TBXAS1: variants seen among roughly 807,000 people sequenced by gnomAD.
The protein encoded by TBXAS1 is thromboxane-A synthase.
In TBXAS1, 48 loss-of-function variants were observed where a neutral mutation model predicts 60.7. That is an observed-to-expected ratio of 0.79 (90% CI 0.63 to 1.01). The LOEUF is 1.01. TBXAS1 is among the 50% of genes least tolerant of loss of function. The pLI is 0.00. For missense variants in TBXAS1, 685 were observed against 686.3 expected, an observed-to-expected ratio of 1.00 and a Z score of 0.02; for synonymous variants, 287 against 269.7, an observed-to-expected ratio of 1.06 and a Z score of -0.63.
chr7:139,966,878 C>G (rs1056561268), intron 9 of TBXAS1, among the ~76,000 whole-genome samples: 2 of 152,190 alleles, frequency 1.3e-5, no homozygotes, highest in African/African-American at 2.4e-5. Flanking sequence ...ACCCCTCCCC[C>G]ACCCCTGCTG....
intron 1 of TBXAS1, among the ~76,000 whole-genome samples, chr7:139,842,554 C>A (rs1219772368): frequency 6.6e-6 from 1 of 152,092 alleles, no homozygotes; most frequent in African/African-American, 2.4e-5. Flanking sequence ...ATGAGACTGG[C>A]GAGAAAGGGA....
At chr7:139,804,229 T>C (rs761281675) in intron 4 of TBXAS1, among the ~76,000 whole-genome samples, 29 of 152,194 alleles carry the variant, frequency 1.9e-4, no homozygotes, top group Admixed American at 6.5e-5. Context: ...AAGGAGATCA[T>C]TTTGTAACTT....
At chr7:140,016,485 G>A in intron 11 of TBXAS1, 1 of 258,806 alleles carries the variant, frequency 3.9e-6, no homozygotes, top group Non-Finnish European at 7.6e-6. Context: ...ATTCAAGCCA[G>A]GACATGGGAT....
intron 3 of TBXAS1, among the ~76,000 whole-genome samples, chr7:139,877,403 G>GT (rs1280106649): frequency 1.1e-4 from 17 of 152,100 alleles, no homozygotes; most frequent in African/African-American, 3.9e-4. Flanking sequence ...ATTGCTTTTT[G>GT]TTTTTGTTTT....
At chr7:139,908,579 A>G (rs953382368) in intron 3 of TBXAS1, among the ~76,000 whole-genome samples, 3 of 152,186 alleles carry the variant, frequency 2.0e-5, no homozygotes, top group Non-Finnish European at 4.4e-5. Context: ...AGTGATATGT[A>G]GAAATCTTAC....
Position 140,017,223 on chromosome 7 carries a change from G to A in TBXAS1, c.1365-448G>A, listed in dbSNP as rs1047980542. On this transcript the variant is annotated intron_variant, in intron 11 of 12. Transcript: ENST00000448866. ...GCCAGCAGGACACGCCCCCCAGGGA[G>A]GGCCCAGGAGGTGCTGAGGTGCCCG... 2.6e-5 allele frequency among the ~76,000 whole-genome samples: 4 copies of A among 152,316 alleles called. No homozygotes were observed. The South Asian group carries it at 8.3e-4, about 32-fold the overall frequency.
rs750285075 is a variant in TBXAS1, at chr7:139,896,549, C to G, written c.237-14676C>G. 5.9e-5 allele frequency among the ~76,000 whole-genome samples: 9 copies of G among 152,168 alleles called. No homozygotes were observed. Among genetic ancestry groups the G allele is most frequent in the Non-Finnish European group, 1.2e-4 (8 of 68,030 alleles). On this transcript the variant is annotated intron_variant, in intron 3 of 12. Coordinates refer to ENST00000448866, the MANE Select transcript of TBXAS1 (RefSeq NM_001061.7). This position sits in a 1 kb window ranked among gnomAD's most constrained non-coding sequence, Gnocchi z 4.0. ...GCTATGGTATTTTACACATTCGTGA[C>G]AAATACAGCAACATCTGTCAGGCAC...
At chr7:139,961,859 A>G (rs903819023) in intron 8 of TBXAS1, 60 bp from the exon 9 acceptor site, 3 of 1,600,712 alleles carry the variant, frequency 1.9e-6, no homozygotes, top group African/African-American at 2.7e-5. Flanking sequence ...GTTCTCCAGG[A>G]AGCCTCACTC....
At chr7:139,926,370 T>A (rs1259844145) in intron 4 of TBXAS1, among the ~76,000 whole-genome samples, 1 of 152,214 alleles carries the variant, frequency 6.6e-6, no homozygotes, top group African/African-American at 2.4e-5. Context: ...TGATTCAATC[T>A]TGACAGGTTG....
chr7:139,917,069 A>G (rs1392873367), intron 4 of TBXAS1, among the ~76,000 whole-genome samples: 1 of 152,220 alleles, frequency 6.6e-6, no homozygotes, highest in Admixed American at 6.5e-5. Flanking sequence ...TGCATGACCT[A>G]GGGAAGCTCT....
chr7:139,955,181 G>A (rs1809739495), intron 6 of TBXAS1, among the ~76,000 whole-genome samples: 1 of 152,112 alleles, frequency 6.6e-6, no homozygotes, highest in African/African-American at 2.4e-5. Flanking sequence ...GAGGCTCGAA[G>A]GTGGAAGAGG....
At chr7:139,835,385 T>A (rs2116524310) in intron 1 of TBXAS1, among the ~76,000 whole-genome samples, 1 of 152,220 alleles carries the variant, frequency 6.6e-6, no homozygotes, top group Non-Finnish European at 1.5e-5. Flanking sequence ...AAATTCTTAA[T>A]GAAATACTAG....
chr7:139,937,165 G>T (rs984669494), intron 5 of TBXAS1, among the ~76,000 whole-genome samples: 1 of 152,182 alleles, frequency 6.6e-6, no homozygotes, highest in African/African-American at 2.4e-5. Flanking sequence ...AAGGGAGAGA[G>T]AACTTGAGCC....
intron 3 of TBXAS1, among the ~76,000 whole-genome samples, chr7:139,783,270 G>A (rs936910905): frequency 1.3e-5 from 2 of 148,352 alleles, no homozygotes; most frequent in African/African-American, 5.0e-5. Flanking sequence ...GCTCCTAGAA[G>A]AAAAATGATC....
chr7:139,875,025 G>T (rs1360421440), intron 2 of TBXAS1, among the ~76,000 whole-genome samples: 1 of 152,202 alleles, frequency 6.6e-6, no homozygotes. Context: ...AATCCGGGAG[G>T]TGGAGGTTGC....
chr7:139,893,280 C>A lies in TBXAS1; in HGVS notation c.236+17643C>A, dbSNP rs538093971. On this transcript the variant is annotated intron_variant, in intron 3 of 12. Coordinates refer to ENST00000448866, the MANE Select transcript of TBXAS1 (RefSeq NM_001061.7). ...ATCATTTGGGGAGAGATGATTTTGC[C>A]ATGTACTCTCACAAATATATGTCCT... 9.3e-5 allele frequency among the ~76,000 whole-genome samples: 14 copies of A among 150,548 alleles called. No individual in the cohort carries two copies. The South Asian group carries it at 3.0e-3, about 32-fold the overall frequency.
intron 4 of TBXAS1, among the ~76,000 whole-genome samples, chr7:139,927,888 C>A (rs1217410979): frequency 6.6e-6 from 1 of 152,086 alleles, no homozygotes; most frequent in African/African-American, 2.4e-5. Context: ...AATATTGAAT[C>A]TAGAAGTTTA....
chr7:139,939,830 G>A (rs1330579100), intron 5 of TBXAS1, among the ~76,000 whole-genome samples: 1 of 152,190 alleles, frequency 6.6e-6, no homozygotes, highest in Non-Finnish European at 1.5e-5. Flanking sequence ...GAAGGGGAAA[G>A]CATTTCAAAG....
At chr7:139,931,408 G>A (rs1326247492) in intron 4 of TBXAS1, among the ~76,000 whole-genome samples, 4 of 152,128 alleles carry the variant, frequency 2.6e-5, no homozygotes, top group African/African-American at 9.7e-5. Context: ...ACACAGTCTG[G>A]CTCCCATCAC....
Sources: gnomAD v4.1 joint callset for allele counts (sites outside exome capture counted in the v4.1 genomes callset) on GRCh38, gnomAD v4.1.1 for gene constraint, Gnocchi (gnomAD v3.1) non-coding constraint, MANE v1.5 for transcripts, NCBI Gene and HGNC (gene_info 2026-07-23, HGNC 2026-07-21) for gene names.